Variants in TRPM5 observed in about 807,000 individuals in gnomAD.
TRPM5 encodes transient receptor potential cation channel subfamily M member 5, also known as MLSN1 and TRP-related.
A neutral mutation model predicts 124.9 loss-of-function variants in TRPM5; 121 were observed. The ratio of observed to expected loss-of-function variants is 0.97; its 90% CI spans 0.84 to 1.13. The LOEUF (loss-of-function observed/expected upper bound fraction) is 1.13. TRPM5 is among the 50% of genes most tolerant of loss of function. The pLI, the probability that TRPM5 is intolerant of heterozygous loss-of-function variation, is 0.00. For missense variants in TRPM5, 1,643 were observed against 1,589.1 expected (o/e 1.03, Z -0.58); for synonymous variants, 781 against 700.5 (o/e 1.11, Z -1.81).
the TRPM5 span, among the ~76,000 whole-genome samples, chr11:2,428,990 C>G: frequency 0.19 from 28,133 of 147,058 alleles, 3,006 homozygotes; most frequent in African/African-American, 0.31. The surrounding 1 kb of genome is among the most constrained non-coding windows in gnomAD (Gnocchi z 4.0). Context: ...ACAATGGTGA[C>G]AGTGGAGGGG....
chr11:2,405,415 C>A, intron 23 of TRPM5, 112 bp downstream of exon 28: 3 of 1,168,940 alleles, frequency 2.6e-6, no homozygotes, highest in Non-Finnish European at 3.6e-6. Context: ...CCTCCTGAGA[C>A]TCCCGGGCCA....
At chr11:2,407,059 C>G (rs1163172747) in intron 20 of TRPM5, 60 bp downstream of exon 25, 2 of 1,472,844 alleles carry the variant, frequency 1.4e-6, no homozygotes, top group Non-Finnish European at 1.8e-6. Context: ...GCGCACAGCC[C>G]CGCCCTGGGA....
chr11:2,412,151 CGA>C lies in TRPM5; in HGVS notation c.2456_2457del (p.Ile819SerfsTer13). On this transcript the variant is annotated frameshift_variant, in exon 16 of 24. Transcript: ENST00000155858. LOFTEE classifies it high-confidence loss of function. ...CCCACAGACCTGCAGGTGACACCCA[CGA>C]TGAACAGGAAGATGGCCACCATGTC... 1.2e-6 allele frequency: 2 copies of C among 1,613,390 alleles called. No homozygotes were observed. The highest frequency in any genetic ancestry group is 1.1e-5 in the South Asian group (1 of 91,086).
At chr11:2,428,607 GGT>G in the TRPM5 span, among the ~76,000 whole-genome samples, 1 of 151,938 alleles carries the variant, frequency 6.6e-6, no homozygotes, top group South Asian at 2.1e-4. The surrounding 1 kb of genome is among the most constrained non-coding windows in gnomAD (Gnocchi z 4.0). Flanking sequence ...GGGTAGTTGG[GGT>G]GGTGATGGCA....
At chr11:2,412,871 G>A (rs907113297) in exon 15 of TRPM5, 1 of 1,599,256 alleles carries the variant, frequency 6.3e-7, no homozygotes, top group Non-Finnish European at 8.5e-7. Context: ...TGAACAGGAA[G>A]AGGAAGGCGA....
the TRPM5 span, among the ~76,000 whole-genome samples, chr11:2,436,578 G>A: frequency 6.6e-6 from 1 of 152,110 alleles, no homozygotes; most frequent in Non-Finnish European, 1.5e-5. Context: ...CGCCAGGGCT[G>A]GGGAGGCCTC....
rs1386024561 is a variant in TRPM5, at chr11:2,414,900, G to C, written c.1620+7C>G. The C allele has an allele frequency of 6.2e-7, 1 of 1,602,452 alleles. No homozygotes were observed. Among genetic ancestry groups the C allele is most frequent in the African/African-American group, 1.3e-5 (1 of 74,726 alleles). Reference sequence around the variant, plus strand: ...GCCCCCGCGCTGGGCCCGCGGCCTGGGCTCACCATGGCCCAGAAGTAGGTG... The same window carrying C: ...GCCCCCGCGCTGGGCCCGCGGCCTGCGCTCACCATGGCCCAGAAGTAGGTG... On this transcript the variant is annotated splice_region_variant and intron_variant, in intron 10 of 23. Coordinates refer to ENST00000155858, the Ensembl canonical transcript of TRPM5.
At chr11:2,413,689 C>T in intron 12 of TRPM5, 101 bp from the exon 18 acceptor site, 1 of 1,128,364 alleles carries the variant, frequency 8.9e-7, no homozygotes, top group African/African-American at 1.6e-5. Context: ...CCCACGTGAG[C>T]TGAAGGGGTG....
chr11:2,406,134 T>C (rs61873460), intron 21 of TRPM5, 43 bp from the exon 27 acceptor site: 920,788 of 1,602,862 alleles, frequency 0.57, 274,715 homozygotes, highest in Non-Finnish European at 0.63. Context: ...GGCCACGCGG[T>C]GCTCTGCGTG....
intron 2 of TRPM5, among the ~76,000 whole-genome samples, chr11:2,421,719 G>A (rs1189333137): frequency 1.3e-5 from 2 of 152,188 alleles, no homozygotes; most frequent in African/African-American, 2.4e-5. Flanking sequence ...TGCAGCTGGC[G>A]GCCCGACTGC....
upstream of TRPM5, among the ~76,000 whole-genome samples, chr11:2,426,662 G>A (rs1374127969): frequency 6.6e-6 from 1 of 152,156 alleles, no homozygotes; most frequent in Non-Finnish European, 1.5e-5. Flanking sequence ...GGATGACCAG[G>A]CCCTGGGGTC....
the TRPM5 span, among the ~76,000 whole-genome samples, chr11:2,443,737 C>T: frequency 6.6e-6 from 1 of 152,132 alleles, no homozygotes. This position sits in a 1 kb window ranked among gnomAD's most constrained non-coding sequence, Gnocchi z 5.0. Context: ...GGCGGAGAGT[C>T]ACCGCTGAGC....
At chr11:2,428,918 TTGGTGA>T in the TRPM5 span, among the ~76,000 whole-genome samples, 81 of 132,792 alleles carry the variant, frequency 6.1e-4, no homozygotes, top group African/African-American at 2.3e-3. This position sits in a 1 kb window ranked among gnomAD's most constrained non-coding sequence, Gnocchi z 4.0. Context: ...GGTATTGGTG[TTGGTGA>T]TGGTGATGGT....
chr11:2,411,109 C>T (rs963980206), intron 18 of TRPM5, among the ~76,000 whole-genome samples: 6 of 152,120 alleles, frequency 3.9e-5, no homozygotes, highest in Non-Finnish European at 5.9e-5. Context: ...TCCTTCCCAG[C>T]CCAAGGCCCC....
intron 21 of TRPM5, 33 bp downstream of exon 26, chr11:2,406,628 A>G: frequency 6.3e-7 from 1 of 1,575,270 alleles, no homozygotes; most frequent in Non-Finnish European, 8.6e-7. Flanking sequence ...AGACAGCCCG[A>G]TACCCACCAG....
At chr11:2,438,564 G>A in the TRPM5 span, among the ~76,000 whole-genome samples, 7 of 152,278 alleles carry the variant, frequency 4.6e-5, no homozygotes, top group East Asian at 9.6e-4. The surrounding 1 kb of genome is among the most constrained non-coding windows in gnomAD (Gnocchi z 5.9). Flanking sequence ...CTACTGGGGC[G>A]GTTAAGGTGG....
Position 2,415,242 on chromosome 11 carries a change from TC to T in TRPM5, c.1357del (p.Glu453SerfsTer58). The T allele has an allele frequency of 1.9e-6, 3 of 1,571,500 alleles. No individual in the cohort carries two copies. In the South Asian group the frequency reaches 3.5e-5, roughly 18 times the overall value. On this transcript the variant is annotated frameshift_variant, in exon 9 of 24. Transcript: ENST00000155858. LOFTEE classifies it high-confidence loss of function. The stretch of plus-strand genomic sequence containing the variant: ...GAAGGCCGGTGGCCCCGCGGGTGGC[TC>T]CCGGGCCTGCTGGGTGCCCAGGCCG...
At chr11:2,421,992 GAGC>G in intron 2 of TRPM5, 146 bp downstream of exon 7, 1 of 735,704 alleles carries the variant, frequency 1.4e-6, no homozygotes, top group Non-Finnish European at 2.1e-6. Context: ...TGTGGGGTGG[GAGC>G]ATTGCCTGTG....
At position 2,417,420 on chromosome 11, in the gene TRPM5, A is replaced by C. The variant is rs183702423; in HGVS notation, c.1009+307T>G. ...CAGTGAGCCGAGATCGCAGCACTGC[A>C]CTCCAGCCTGGGCGACAGTGCGAGA... On this transcript the variant is annotated intron_variant, in intron 7 of 23. Transcript: ENST00000155858. 3.7e-3 allele frequency among the ~76,000 whole-genome samples: 564 copies of C among 152,274 alleles called. 8 individuals are homozygous for C. Among genetic ancestry groups the C allele is most frequent in the Non-Finnish European group, 9.6e-4 (65 of 67,998 alleles).
Sources: gnomAD v4.1 joint callset for allele counts (sites outside exome capture counted in the v4.1 genomes callset) on GRCh38, gnomAD v4.1.1 for gene constraint, Gnocchi (gnomAD v3.1) non-coding constraint, MANE v1.5 for transcripts, NCBI Gene and HGNC (gene_info 2026-07-23, HGNC 2026-07-21) for gene names.